Variants in AOPEP observed in about 807,000 individuals in gnomAD.
The protein encoded by AOPEP is aminopeptidase O.
Under a neutral mutation model 98.1 loss-of-function variants are expected in AOPEP, and 77 were observed. The ratio of observed to expected loss-of-function variants is 0.78; its 90% confidence interval spans 0.65 to 0.95. AOPEP has a LOEUF of 0.95. Ranked by LOEUF, AOPEP falls within the 40% of genes least tolerant of loss-of-function variation. AOPEP has a pLI of 0.00. For synonymous variants in AOPEP, 346 were observed against 365.3 expected (o/e 0.95, Z 0.60); for missense variants, 1,024 against 1,024.7 (o/e 1.00, Z 0.01).
At chr9:94,855,346 G>A (rs2044050291) in intron 5 of AOPEP, among the ~76,000 whole-genome samples, 1 of 152,120 alleles carries the variant, frequency 6.6e-6, no homozygotes, top group African/African-American at 2.4e-5. Flanking sequence ...CCAAATTGCT[G>A]GGATTACAAG....
chr9:94,834,723 G>A (rs541857305), intron 5 of AOPEP, among the ~76,000 whole-genome samples: 103 of 152,264 alleles, frequency 6.8e-4, no homozygotes, highest in Non-Finnish European at 1.3e-3. Context: ...AACCTGGGAG[G>A]CAGAGGCTGC....
chr9:94,882,513 C>G (rs1476088868), intron 5 of AOPEP, among the ~76,000 whole-genome samples: 2 of 152,178 alleles, frequency 1.3e-5, no homozygotes, highest in Non-Finnish European at 2.9e-5. Context: ...GGGTGGCTCA[C>G]GCCTGTAATC....
intron 5 of AOPEP, among the ~76,000 whole-genome samples, chr9:94,817,225 G>A (rs890574642): frequency 6.6e-6 from 1 of 152,038 alleles, no homozygotes; most frequent in Non-Finnish European, 1.5e-5. Context: ...GGCTGGTCGC[G>A]AACTCCTGGA....
the AOPEP span, among the ~76,000 whole-genome samples, chr9:95,144,854 C>T: frequency 4.6e-5 from 7 of 152,174 alleles, no homozygotes; most frequent in African/African-American, 1.2e-4. Context: ...TCGAGCGCCG[C>T]GCCGCACGTT....
chr9:94,856,247 C>T (rs896389419), intron 5 of AOPEP, among the ~76,000 whole-genome samples: 15 of 151,962 alleles, frequency 9.9e-5, no homozygotes, highest in Non-Finnish European at 2.2e-4. Flanking sequence ...TTCAGTGTGG[C>T]GGGTAAGGAC....
At chr9:94,849,606 G>A (rs1173462394) in intron 5 of AOPEP, among the ~76,000 whole-genome samples, 1 of 151,066 alleles carries the variant, frequency 6.6e-6, no homozygotes, top group Non-Finnish European at 1.5e-5. Flanking sequence ...GTTTTTCCAC[G>A]GGGGTGGGGA....
At position 94,972,059 on chromosome 9, in the gene AOPEP, GA is replaced by G. The variant is rs1485075479; in HGVS notation, c.1916+4261del. On this transcript the variant is annotated intron_variant, in intron 10 of 16. Coordinates refer to ENST00000375315, the MANE Select transcript of AOPEP (RefSeq NM_001193329.3). This position sits in a 1 kb window ranked among gnomAD's most constrained non-coding sequence, Gnocchi z 4.2. ...GGACTGGAAGCCAGGAAAACAATTA[GA>G]AACCAATAGAGCGGTTCAGTCAAGA... 2.0e-5 allele frequency among the ~76,000 whole-genome samples: 3 copies of G among 152,232 alleles called. No homozygotes were observed. The highest frequency in any genetic ancestry group is 4.8e-5 in the African/African-American group (2 of 41,466).
At chr9:95,006,474 G>A (rs747256806) in intron 13 of AOPEP, among the ~76,000 whole-genome samples, 1 of 152,142 alleles carries the variant, frequency 6.6e-6, no homozygotes, top group Non-Finnish European at 1.5e-5. Flanking sequence ...TGTTGCCTTA[G>A]TATGGGCATT....
At chr9:95,105,129 C>G in the AOPEP span, among the ~76,000 whole-genome samples, 2 of 152,228 alleles carry the variant, frequency 1.3e-5, no homozygotes, top group Admixed American at 6.5e-5. Flanking sequence ...CTGGGCCACC[C>G]TCATGACTCG....
chr9:94,849,191 AT>A (rs1195839558), intron 5 of AOPEP, among the ~76,000 whole-genome samples: 1 of 152,188 alleles, frequency 6.6e-6, no homozygotes, highest in East Asian at 1.9e-4. Flanking sequence ...AGTAGCTTAA[AT>A]TTTTGTTTAA....
At chr9:94,776,846 A>G (rs1474630373) in intron 3 of AOPEP, among the ~76,000 whole-genome samples, 6 of 151,704 alleles carry the variant, frequency 4.0e-5, no homozygotes, top group Admixed American at 1.3e-4. Context: ...TTCAGTTTCA[A>G]ATGATTTCAT....
At chr9:94,794,044 A>T (rs1311883920) in intron 4 of AOPEP, among the ~76,000 whole-genome samples, 1 of 152,250 alleles carries the variant, frequency 6.6e-6, no homozygotes, top group Non-Finnish European at 1.5e-5. Context: ...AAACTGATGC[A>T]AAGCCCTTGG....
At chr9:94,907,738 C>G (rs1171264724) in intron 5 of AOPEP, among the ~76,000 whole-genome samples, 1 of 152,104 alleles carries the variant, frequency 6.6e-6, no homozygotes, top group Non-Finnish European at 1.5e-5. Flanking sequence ...GACTAGAATT[C>G]GAGGCATGTC....
chr9:95,128,544 A>G, the AOPEP span, among the ~76,000 whole-genome samples: 3 of 152,240 alleles, frequency 2.0e-5, no homozygotes, highest in African/African-American at 7.2e-5. Flanking sequence ...CAGCAAAGAA[A>G]ATGATGATCA....
Position 95,058,036 on chromosome 9 carries a change from T to A in AOPEP, c.2116-2658T>A, listed in dbSNP as rs540680927. Among the ~76,000 whole-genome samples, 7 of 152,354 alleles carry A rather than the reference T, an allele frequency of 4.6e-5. No homozygotes were observed. The South Asian group carries it at 1.2e-3, about 27-fold the overall frequency. On this transcript the variant is annotated intron_variant, in intron 13 of 16. Coordinates refer to ENST00000375315, the MANE Select transcript of AOPEP (RefSeq NM_001193329.3). ...GGGAGTTTAGCTTTAAATATTTTCA[T>A]TGTGTAAAATTTGGAGAGGACAAAA...
intron 13 of AOPEP, among the ~76,000 whole-genome samples, chr9:95,016,423 A>G (rs1032236254): frequency 1.3e-5 from 2 of 150,902 alleles, no homozygotes; most frequent in Non-Finnish European, 1.5e-5. Flanking sequence ...TTTGTTTTTT[A>G]GTAGAAATGG....
intron 3 of AOPEP, among the ~76,000 whole-genome samples, chr9:94,773,655 A>G (rs1258072886): frequency 1.3e-5 from 2 of 152,220 alleles, no homozygotes; most frequent in African/African-American, 4.8e-5. Context: ...AAAGGTGTAT[A>G]AGAAAGATGG....
chr9:95,116,128 G>GCAC, the AOPEP span, among the ~76,000 whole-genome samples: 2 of 152,250 alleles, frequency 1.3e-5, no homozygotes, highest in Non-Finnish European at 2.9e-5. Flanking sequence ...CCATGCCCAT[G>GCAC]CACCACCTCA....
At chr9:95,111,671 A>G in the AOPEP span, 1 of 1,613,560 alleles carries the variant, frequency 6.2e-7, no homozygotes, top group Non-Finnish European at 8.5e-7. Context: ...GCAGTTGACA[A>G]CCTAAATTCT....
Sources: allele counts gnomAD v4.1 joint callset (sites outside exome capture counted in the v4.1 genomes callset), GRCh38; gene constraint gnomAD v4.1.1; non-coding constraint Gnocchi (gnomAD v3.1); transcripts MANE v1.5; gene names NCBI Gene and HGNC (gene_info 2026-07-23, HGNC 2026-07-21).